SMAD9: variants seen among roughly 807,000 people sequenced by gnomAD.
SMAD9 encodes MAD homolog 9.
In SMAD9, 36 loss-of-function variants were observed where a neutral mutation model predicts 46.1. The observed-to-expected ratio is 0.78, with a 90% CI of 0.60 to 1.03. SMAD9 has a LOEUF of 1.03. Ranked by LOEUF, SMAD9 falls within the 50% of genes least tolerant of loss-of-function variation. SMAD9 has a pLI of 0.00. For synonymous variants in SMAD9, 245 were observed against 237.1 expected, an observed-to-expected ratio of 1.03 and a Z score of -0.31; for missense variants, 572 against 599.8, an observed-to-expected ratio of 0.95 and a Z score of 0.48.
intron 4 of SMAD9, 105 bp downstream of exon 4, chr13:36,867,168 G>T: frequency 1.3e-6 from 1 of 758,240 alleles, no homozygotes; most frequent in African/African-American, 1.7e-5. Context: ...ATGCAAAACA[G>T]CAGGCCAGTA....
Position 36,891,723 on chromosome 13 carries a change from T to G in SMAD9, c.-186-11848A>C, listed in dbSNP as rs374513981. Among the ~76,000 whole-genome samples the G allele has an allele frequency of 6.8e-4, 104 of 152,262 alleles. 2 individuals are homozygous for G. The highest frequency in any genetic ancestry group is 2.4e-3 in the African/African-American group (101 of 41,548). On this transcript the variant is annotated intron_variant, in intron 1 of 6. Transcript: ENST00000379826. Reference sequence around the variant, plus strand: ...GGGCATAAGCTCAAGCTAATCCAACTTGCTATATTTTTCTCCAGGTGGAAG... The same window carrying G: ...GGGCATAAGCTCAAGCTAATCCAACGTGCTATATTTTTCTCCAGGTGGAAG...
At chr13:36,903,124 T>A (rs1325739696) in intron 1 of SMAD9, among the ~76,000 whole-genome samples, 1 of 141,596 alleles carries the variant, frequency 7.1e-6, no homozygotes, top group Admixed American at 7.2e-5. Context: ...TTTTTTCTTT[T>A]GGTTTTTTTT....
intron 6 of SMAD9, among the ~76,000 whole-genome samples, chr13:36,852,678 A>G (rs770207312): frequency 1.8e-4 from 28 of 152,212 alleles, no homozygotes; most frequent in African/African-American, 5.3e-4. Flanking sequence ...CTATTTTTGT[A>G]GCTTATTCAT....
At chr13:36,906,045 A>G (rs1247510542) in intron 1 of SMAD9, among the ~76,000 whole-genome samples, 1 of 152,146 alleles carries the variant, frequency 6.6e-6, no homozygotes, top group Non-Finnish European at 1.5e-5. Context: ...GAGAACACCA[A>G]GGGAAAAATA....
chr13:36,893,397 T>C (rs2058503838), intron 1 of SMAD9, among the ~76,000 whole-genome samples: 1 of 148,572 alleles, frequency 6.7e-6, no homozygotes, highest in South Asian at 2.1e-4. Context: ...TACATATATA[T>C]ATATATTTCC....
intron 1 of SMAD9, among the ~76,000 whole-genome samples, chr13:36,896,547 C>T (rs148750614): frequency 6.6e-6 from 1 of 152,174 alleles, no homozygotes; most frequent in Non-Finnish European, 1.5e-5. Flanking sequence ...CAATGCATAT[C>T]TGATCCTACC....
intron 2 of SMAD9, 64 bp from the exon 3 acceptor site, chr13:36,872,979 G>C: frequency 6.4e-7 from 1 of 1,556,756 alleles, no homozygotes; most frequent in South Asian, 1.1e-5. Context: ...CAACAGAGTG[G>C]ATACTTGCTG....
chr13:36,879,577 A>T lies in SMAD9; in HGVS notation c.113T>A (p.Val38Glu). Reference protein sequence around the residue: ...DEEEKWAEKAVDSLVKKLKKK... With the variant: ...DEEEKWAEKAEDSLVKKLKKK... Reference sequence around the variant, plus strand: ...CTTTAACTTCTTCACTAGAGAGTCCACTGCCTTCTCTGCCCACTTTTCCTC... The same window carrying T: ...CTTTAACTTCTTCACTAGAGAGTCCTCTGCCTTCTCTGCCCACTTTTCCTC... The change falls in exon 2 of 7, where the codon GTG becomes GAG. Residue 38 changes from valine (V) to glutamate (E), a missense_variant. Transcript: ENST00000379826. The T allele has an allele frequency of 6.2e-7, 1 of 1,614,212 alleles. No individual in the cohort carries two copies. The highest frequency in any genetic ancestry group is 8.5e-7 in the Non-Finnish European group (1 of 1,180,038).
chr13:36,892,411 G>C (rs532685375), intron 1 of SMAD9, among the ~76,000 whole-genome samples: 1 of 152,288 alleles, frequency 6.6e-6, no homozygotes, highest in African/African-American at 2.4e-5. Context: ...TATCAGGAAA[G>C]ACATTCTCAA....
chr13:36,913,906 T>A (rs2058679527), intron 1 of SMAD9, among the ~76,000 whole-genome samples: 1 of 152,220 alleles, frequency 6.6e-6, no homozygotes, highest in African/African-American at 2.4e-5. Context: ...AATAATCACT[T>A]ATGTCATTAA....
chr13:36,871,947 C>T (rs773514945), intron 3 of SMAD9, among the ~76,000 whole-genome samples: 64 of 152,150 alleles, frequency 4.2e-4, no homozygotes, highest in Non-Finnish European at 7.8e-4. Flanking sequence ...TTATGCATGC[C>T]TTTAGGAACT....
intron 1 of SMAD9, among the ~76,000 whole-genome samples, chr13:36,894,269 T>C (rs2058510915): frequency 6.6e-6 from 1 of 152,106 alleles, no homozygotes; most frequent in Non-Finnish European, 1.5e-5. Context: ...ATGAGGGCAG[T>C]TTCCCCCATA....
intron 5 of SMAD9, among the ~76,000 whole-genome samples, chr13:36,861,591 C>T (rs893203671): frequency 6.7e-6 from 1 of 148,882 alleles, no homozygotes; most frequent in African/African-American, 2.4e-5. Context: ...GCTGGGATTA[C>T]AGGCATGAGC....
intron 1 of SMAD9, among the ~76,000 whole-genome samples, chr13:36,890,080 T>C (rs1012437471): frequency 6.6e-6 from 1 of 152,230 alleles, no homozygotes; most frequent in African/African-American, 2.4e-5. Flanking sequence ...AATGAACATT[T>C]ACACCAAGCT....
upstream of SMAD9, among the ~76,000 whole-genome samples, chr13:36,920,476 G>C (rs943778735): frequency 2.4e-4 from 36 of 151,800 alleles, no homozygotes; most frequent in South Asian, 4.1e-4. Flanking sequence ...CCTGCGGCTC[G>C]GTTCCCGCCT....
chr13:36,872,802 T>A lies in SMAD9; in HGVS notation c.526A>T (p.Thr176Ser). The change falls in exon 3 of 7, where the codon ACC (threonine) becomes TCC (serine). Residue 176 changes from threonine to serine, a missense_variant. Physicochemically the swap from Thr to Ser is moderately conservative, Grantham distance 58 (BLOSUM62 1). Coordinates refer to ENST00000379826, the MANE Select transcript of SMAD9 (RefSeq NM_001127217.3). Reference sequence around the variant, plus strand: ...GGCTGCTGGAAAGAGTCAGGATAGGTGGCGTTGTGTGGCATGAGTGGCTCA... The same window carrying A: ...GGCTGCTGGAAAGAGTCAGGATAGGAGGCGTTGTGTGGCATGAGTGGCTCA... ...HSEPLMPHNA[T>S]YPDSFQQPPC... 1 of 1,613,824 alleles carries A rather than the reference T, an allele frequency of 6.2e-7. No homozygotes were observed. The highest frequency in any genetic ancestry group is 8.5e-7 in the Non-Finnish European group (1 of 1,179,958).
chr13:36,865,888 G>C (rs765054879), intron 4 of SMAD9, 130 bp from the exon 5 acceptor site: 17 of 752,138 alleles, frequency 2.3e-5, no homozygotes, highest in Non-Finnish European at 3.4e-5. Context: ...ATGCCGCTCT[G>C]CAATCTTTTA....
At chr13:36,875,587 G>A (rs1593583593) in intron 2 of SMAD9, among the ~76,000 whole-genome samples, 1 of 152,248 alleles carries the variant, frequency 6.6e-6, no homozygotes, top group Non-Finnish European at 1.5e-5. Flanking sequence ...AAAAGATTAT[G>A]TGCCTCATGA....
At chr13:36,856,733 C>T (rs1222751821) in intron 5 of SMAD9, among the ~76,000 whole-genome samples, 1 of 151,888 alleles carries the variant, frequency 6.6e-6, no homozygotes, top group East Asian at 1.9e-4. Flanking sequence ...ACTAAGACCA[C>T]TTGCAGGGCT....
Sources: allele counts gnomAD v4.1 joint callset (sites outside exome capture counted in the v4.1 genomes callset), GRCh38; gene constraint gnomAD v4.1.1; transcripts MANE v1.5; gene names NCBI Gene and HGNC (gene_info 2026-07-23, HGNC 2026-07-21).